SPPL3: variants seen among roughly 807,000 people sequenced by gnomAD.
The protein encoded by SPPL3 is signal peptide peptidase like 3.
A neutral mutation model predicts 42.4 loss-of-function variants in SPPL3; 5 were observed. The ratio of observed to expected loss-of-function variants is 0.12; its 90% confidence interval spans 0.06 to 0.25. The LOEUF (loss-of-function observed/expected upper bound fraction) is 0.25, where lower values mean the gene tolerates loss of function less well. Ranked by LOEUF, SPPL3 falls within the 10% of genes least tolerant of loss-of-function variation. The pLI, the probability that SPPL3 is intolerant of heterozygous loss-of-function variation, is 1.00. For synonymous variants in SPPL3, 195 were observed against 181.8 expected (o/e 1.07, Z -0.58); for missense variants, 235 against 489.0 (o/e 0.48, Z 4.90).
At chr12:120,864,155 C>T (rs1872695139) in intron 1 of SPPL3, among the ~76,000 whole-genome samples, 1 of 152,150 alleles carries the variant, frequency 6.6e-6, no homozygotes, top group Non-Finnish European at 1.5e-5. Context: ...CAGTTGTGAG[C>T]TCTTCAAAAT....
intron 1 of SPPL3, among the ~76,000 whole-genome samples, chr12:120,899,867 C>T (rs1475731331): frequency 2.6e-5 from 3 of 116,742 alleles, no homozygotes; most frequent in East Asian, 2.6e-4. Flanking sequence ...CACTCTTGGG[C>T]GACAGAGCAA....
At chr12:120,806,946 T>C (rs757619285) in intron 2 of SPPL3, among the ~76,000 whole-genome samples, 2 of 151,984 alleles carry the variant, frequency 1.3e-5, no homozygotes, top group Non-Finnish European at 2.9e-5. Context: ...TTTTGGCACA[T>C]CATCAAAAGC....
At chr12:120,893,511 T>G (rs1193759547) in intron 1 of SPPL3, among the ~76,000 whole-genome samples, 1 of 152,144 alleles carries the variant, frequency 6.6e-6, no homozygotes, top group African/African-American at 2.4e-5. Flanking sequence ...CTCAAGTCTT[T>G]CACATCTCAA....
At chr12:120,863,367 T>G (rs932123195) in intron 1 of SPPL3, among the ~76,000 whole-genome samples, 2 of 151,554 alleles carry the variant, frequency 1.3e-5, no homozygotes, top group African/African-American at 2.4e-5. Flanking sequence ...AAAAAAAAAG[T>G]TTTAATGAAA....
intron 1 of SPPL3, among the ~76,000 whole-genome samples, chr12:120,857,383 A>T (rs1872496804): frequency 6.6e-6 from 1 of 152,234 alleles, no homozygotes; most frequent in Non-Finnish European, 1.5e-5. Context: ...GTGGGAATGT[A>T]AATTAGTTCA....
intron 2 of SPPL3, among the ~76,000 whole-genome samples, chr12:120,808,660 A>G (rs970033647): frequency 6.6e-6 from 1 of 152,218 alleles, no homozygotes; most frequent in African/African-American, 2.4e-5. Context: ...CAAGAGTGGA[A>G]TAAGATGAGT....
intron 1 of SPPL3, among the ~76,000 whole-genome samples, chr12:120,824,439 C>G (rs181670704): frequency 6.6e-6 from 1 of 152,022 alleles, no homozygotes; most frequent in African/African-American, 2.4e-5. Context: ...GTTCTTCAGT[C>G]GGATATAGAA....
chr12:120,876,625 A>AAAAAAAAG (rs902006917), intron 1 of SPPL3, among the ~76,000 whole-genome samples: 5 of 129,052 alleles, frequency 3.9e-5, no homozygotes, highest in African/African-American at 1.8e-4. Flanking sequence ...TCAAAAAAAA[A>AAAAAAAAG]AAAAAAAAAA....
intron 2 of SPPL3, among the ~76,000 whole-genome samples, chr12:120,801,440 A>C (rs888502044): frequency 6.7e-5 from 10 of 149,522 alleles, no homozygotes; most frequent in African/African-American, 2.5e-4. Flanking sequence ...TTTTTTTGAG[A>C]TCTTATATTT....
intron 1 of SPPL3, among the ~76,000 whole-genome samples, chr12:120,830,821 C>T (rs694303): frequency 0.25 from 37,585 of 151,898 alleles, 5,671 homozygotes; most frequent in Non-Finnish European, 0.35. Flanking sequence ...TCACTTAGTT[C>T]TGCTTACTGT....
chr12:120,822,659 G>A (rs937174237), intron 1 of SPPL3, among the ~76,000 whole-genome samples: 1 of 152,102 alleles, frequency 6.6e-6, no homozygotes, highest in Non-Finnish European at 1.5e-5. Context: ...AAAAATTGAA[G>A]AAGGAAAGTC....
At chr12:120,864,327 G>A (rs1872699581) in intron 1 of SPPL3, among the ~76,000 whole-genome samples, 1 of 152,154 alleles carries the variant, frequency 6.6e-6, no homozygotes. Flanking sequence ...CTGAGGTCAG[G>A]AGTTCAAGAC....
chr12:120,815,221 T>A (rs1870827406), intron 1 of SPPL3, among the ~76,000 whole-genome samples: 4 of 152,228 alleles, frequency 2.6e-5, no homozygotes. Flanking sequence ...AGAGAGGTTA[T>A]ACCATTTCAC....
intron 1 of SPPL3, among the ~76,000 whole-genome samples, chr12:120,876,978 G>A (rs1873121575): frequency 6.6e-6 from 1 of 151,764 alleles, no homozygotes; most frequent in East Asian, 1.9e-4. Context: ...AACTGATCAG[G>A]AGAAAGGGAG....
At chr12:120,785,255 C>CAA (rs34930618) in intron 3 of SPPL3, among the ~76,000 whole-genome samples, 80 of 146,730 alleles carry the variant, frequency 5.5e-4, no homozygotes, top group East Asian at 2.6e-3. Context: ...TTAATATTTA[C>CAA]AAAAAAAAAA....
chr12:120,894,338 CA>C (rs2137068817), intron 1 of SPPL3, among the ~76,000 whole-genome samples: 1 of 151,916 alleles, frequency 6.6e-6, no homozygotes, highest in South Asian at 2.1e-4. Context: ...AACAAACAAA[CA>C]AAAAAGAAAT....
chr12:120,871,144 A>AAAAAAG lies in SPPL3; in HGVS notation c.23+32695_23+32700dup, dbSNP rs1555253613. On this transcript the variant is annotated intron_variant, in intron 1 of 10. Coordinates refer to ENST00000353487, the MANE Select transcript of SPPL3 (RefSeq NM_139015.5). Reference sequence around the variant, plus strand: ...GACTCCGTCTCCAAAAAAAAAAAAAAAAAAAGAAAAAGTTCTGGAGGTAAA... The same window carrying AAAAAAG: ...GACTCCGTCTCCAAAAAAAAAAAAAAAAAAAGAAAAAGAAAAAGTTCTGGAGGTAAA... Among the ~76,000 whole-genome samples the AAAAAAG allele has an allele frequency of 2.9e-3, 406 of 142,100 alleles. 12 individuals are homozygous for AAAAAAG. Among genetic ancestry groups the AAAAAAG allele is most frequent in the African/African-American group, 0.01 (358 of 34,136 alleles). The allele number at this position is 142,100 out of a possible 152,430, so 93.2% of individuals were successfully genotyped here. A position where few individuals can be genotyped will look rare whatever the true frequency, so the allele number is the denominator to read the frequency against.
rs1407069004 is a variant in SPPL3, at chr12:120,841,546, T to C, written c.24-30660A>G. On this transcript the variant is annotated intron_variant, in intron 1 of 10. Coordinates refer to ENST00000353487, the MANE Select transcript of SPPL3 (RefSeq NM_139015.5). The stretch of plus-strand genomic sequence containing the variant: ...GTATGATAAACGAAAGGCCAAGTTA[T>C]AATTATTTTTTGTAAAAGGGTGGAA... Among the ~76,000 whole-genome samples the C allele has an allele frequency of 3.9e-5, 6 of 152,190 alleles. No individual in the cohort carries two copies. In the East Asian group the frequency reaches 1.2e-3, roughly 29 times the overall value.
intron 1 of SPPL3, among the ~76,000 whole-genome samples, chr12:120,888,694 A>C (rs2137063623): frequency 6.6e-6 from 1 of 152,328 alleles, no homozygotes; most frequent in South Asian, 2.1e-4. Flanking sequence ...TTCTTTTGGG[A>C]TGAAGAAAAT....
Sources: allele counts gnomAD v4.1 joint callset (sites outside exome capture counted in the v4.1 genomes callset), GRCh38; gene constraint gnomAD v4.1.1; transcripts MANE v1.5; gene names NCBI Gene and HGNC (gene_info 2026-07-23, HGNC 2026-07-21).